MYO5B: variants seen among roughly 807,000 people sequenced by gnomAD.
MYO5B encodes the protein unconventional myosin-Vb.
In MYO5B, 143 loss-of-function variants were observed where a neutral mutation model predicts 229.3. The observed-to-expected ratio is 0.62, with a 90% CI of 0.54 to 0.72. MYO5B has a LOEUF of 0.72. MYO5B is among the 30% of genes least tolerant of loss of function. The pLI is 0.00. For missense variants in MYO5B, 2,321 were observed against 2,331.0 expected (o/e 1.00, Z 0.09); for synonymous variants, 918 against 885.2 (o/e 1.04, Z -0.66).
intron 17 of MYO5B, among the ~76,000 whole-genome samples, chr18:49,921,892 G>T (rs1409011369): frequency 6.6e-6 from 1 of 152,190 alleles, no homozygotes; most frequent in African/African-American, 2.4e-5. Context: ...TTCCACACGG[G>T]AACTGTTGGA....
chr18:50,165,013 C>A (rs1373397309), intron 1 of MYO5B, among the ~76,000 whole-genome samples: 1 of 152,194 alleles, frequency 6.6e-6, no homozygotes, highest in Non-Finnish European at 1.5e-5. Flanking sequence ...TGGTATCTGG[C>A]AGGGCTTTGG....
intron 4 of MYO5B, among the ~76,000 whole-genome samples, chr18:50,026,470 C>T (rs1379141842): frequency 6.6e-6 from 1 of 152,128 alleles, no homozygotes; most frequent in Non-Finnish European, 1.5e-5. Flanking sequence ...TTCCTCTAGA[C>T]AAATTGAAAA....
chr18:49,949,252 A>T (rs181071666), intron 14 of MYO5B, among the ~76,000 whole-genome samples: 16 of 152,262 alleles, frequency 1.1e-4, no homozygotes, highest in African/African-American at 3.9e-4. Flanking sequence ...CAGAGGAAAA[A>T]CATTCTCCTT....
At chr18:50,114,969 C>T (rs985600174) in intron 1 of MYO5B, among the ~76,000 whole-genome samples, 3 of 152,214 alleles carry the variant, frequency 2.0e-5, no homozygotes, top group African/African-American at 7.2e-5. Context: ...CCAGTTGCTC[C>T]AAAGAACATT....
At chr18:50,147,807 C>G (rs940605591) in intron 1 of MYO5B, among the ~76,000 whole-genome samples, 1 of 152,140 alleles carries the variant, frequency 6.6e-6, no homozygotes, top group Admixed American at 6.5e-5. Context: ...AAGGAACCTG[C>G]TTTCTAAGGA....
intron 7 of MYO5B, among the ~76,000 whole-genome samples, chr18:49,989,134 G>A (rs1280467541): frequency 6.6e-6 from 1 of 152,186 alleles, no homozygotes; most frequent in Non-Finnish European, 1.5e-5. Flanking sequence ...CAGGATCCCT[G>A]GGGCCTAACA....
At chr18:50,139,777 G>A (rs1568121608) in intron 1 of MYO5B, among the ~76,000 whole-genome samples, 7 of 152,082 alleles carry the variant, frequency 4.6e-5, no homozygotes. Context: ...AGCAGGTCCG[G>A]CAGGCAGAAC....
chr18:49,917,135 C>T (rs909959871), intron 17 of MYO5B, among the ~76,000 whole-genome samples: 1 of 152,204 alleles, frequency 6.6e-6, no homozygotes, highest in Non-Finnish European at 1.5e-5. Context: ...GAGCATTCCA[C>T]CTCGTGTTGT....
intron 39 of MYO5B, among the ~76,000 whole-genome samples, chr18:49,830,799 C>T (rs1402022523): frequency 7.0e-6 from 1 of 143,708 alleles, no homozygotes; most frequent in African/African-American, 2.6e-5. Flanking sequence ...CACTACTGCG[C>T]TCCATGGGTG....
chr18:50,079,777 C>T (rs2031172833), intron 1 of MYO5B, among the ~76,000 whole-genome samples: 1 of 151,888 alleles, frequency 6.6e-6, no homozygotes, highest in African/African-American at 2.4e-5. Context: ...GGCAAAGCAT[C>T]TGCTATGTAA....
intron 21 of MYO5B, among the ~76,000 whole-genome samples, chr18:49,899,927 A>ATTT (rs56854416): frequency 2.6e-5 from 4 of 150,988 alleles, no homozygotes; most frequent in African/African-American, 4.9e-5. Context: ...AGCTTTTTTT[A>ATTT]TTTTTTTTTT....
intron 1 of MYO5B, among the ~76,000 whole-genome samples, chr18:50,107,109 CTTTTTTTTTTTTTTT>C (rs71169479): frequency 6.2e-4 from 35 of 56,588 alleles, no homozygotes; most frequent in African/African-American, 2.0e-3. Flanking sequence ...CTTAGGGTGC[CTTTTTTTTTTTTTTT>C]TTTTTTTTTT....
At chr18:49,986,933 C>T (rs1258065235) in intron 7 of MYO5B, among the ~76,000 whole-genome samples, 3 of 152,200 alleles carry the variant, frequency 2.0e-5, no homozygotes, top group Non-Finnish European at 4.4e-5. Flanking sequence ...TTATCTATGG[C>T]ATCTCATGAT....
intron 1 of MYO5B, among the ~76,000 whole-genome samples, chr18:50,194,514 G>A (rs949991161): frequency 2.0e-5 from 3 of 152,198 alleles, no homozygotes; most frequent in Admixed American, 6.5e-5. Flanking sequence ...GCCCTGGCTT[G>A]GTGCTGAGCC....
At chr18:50,144,279 C>T (rs1042457386) in intron 1 of MYO5B, among the ~76,000 whole-genome samples, 9 of 152,166 alleles carry the variant, frequency 5.9e-5, no homozygotes, top group African/African-American at 1.4e-4. Context: ...ACTAGACAGG[C>T]GTGCTTTGGA....
intron 1 of MYO5B, among the ~76,000 whole-genome samples, chr18:50,099,742 C>T (rs147898526): frequency 6.6e-6 from 1 of 152,186 alleles, no homozygotes; most frequent in Non-Finnish European, 1.5e-5. Flanking sequence ...CATGAATTTG[C>T]AGAATAGTTA....
chr18:49,979,446 A>G (rs1464603190), intron 9 of MYO5B, among the ~76,000 whole-genome samples: 1 of 152,194 alleles, frequency 6.6e-6, no homozygotes, highest in Non-Finnish European at 1.5e-5. Flanking sequence ...ATGATACACA[A>G]TGAGCTCTAC....
chr18:49,830,746 T>C (rs763891597), intron 39 of MYO5B, among the ~76,000 whole-genome samples: 2 of 149,408 alleles, frequency 1.3e-5, no homozygotes, highest in Non-Finnish European at 3.0e-5. Flanking sequence ...GGCAGGAGAA[T>C]TGCTTGAACC....
intron 1 of MYO5B, among the ~76,000 whole-genome samples, chr18:50,184,875 C>A (rs1568136980): frequency 2.9e-5 from 1 of 34,700 alleles, no homozygotes; most frequent in Admixed American, 4.1e-4. Context: ...CCTATCTCTA[C>A]ACACACACAC....
Sources: allele counts gnomAD v4.1 joint callset (sites outside exome capture counted in the v4.1 genomes callset), GRCh38; gene constraint gnomAD v4.1.1; transcripts MANE v1.5; gene names NCBI Gene and HGNC (gene_info 2026-07-23, HGNC 2026-07-21).